The following TSPAN33 variants were observed in gnomAD, a reference collection of about 807,000 sequenced individuals.
TSPAN33 encodes the protein tetraspanin 33.
TSPAN33 carries 27 observed loss-of-function variants against 34.8 expected under a neutral mutation model. The observed-to-expected ratio is 0.78, with a 90% CI of 0.57 to 1.07. The LOEUF is 1.07. Ranked by LOEUF, TSPAN33 falls within the 50% of genes least tolerant of loss-of-function variation. TSPAN33 has a pLI of 0.00. For synonymous variants in TSPAN33, 119 were observed against 124.2 expected (o/e 0.96, Z 0.28); for missense variants, 272 against 324.9 (o/e 0.84, Z 1.25).
chr7:129,166,822 C>A lies in TSPAN33; in HGVS notation c.504C>A (p.Asn168Lys). 1 of 1,614,180 alleles carries A rather than the reference C, an allele frequency of 6.2e-7. No homozygotes were observed. The highest frequency in any genetic ancestry group is 8.5e-7 in the Non-Finnish European group (1 of 1,180,030). ...GGISYKDWSQ[N>K]MYFNCSEDNP... Reference sequence around the variant, plus strand: ...TTTCCTACAAGGACTGGTCTCAGAACATGTATTTCAACTGCTCAGAAGACA... The same window carrying A: ...TTTCCTACAAGGACTGGTCTCAGAAAATGTATTTCAACTGCTCAGAAGACA... Residue 168 changes from asparagine to lysine, a missense_variant, in exon 6 of 8, where the codon AAC (asparagine) becomes AAA (lysine). Asn to Lys is a moderately conservative substitution (Grantham distance 94). Coordinates refer to ENST00000486685, the MANE Select transcript of TSPAN33 (RefSeq NM_178562.5).
chr7:129,167,717 G>A lies in TSPAN33; in HGVS notation c.751-56G>A. On this transcript the variant is annotated intron_variant, in intron 7 of 7. Coordinates refer to ENST00000486685, the MANE Select transcript of TSPAN33 (RefSeq NM_178562.5). This position sits in a 1 kb window ranked among gnomAD's most constrained non-coding sequence, Gnocchi z 4.6. ...GGCCGCACTGGGAAGATCGAGCCAG[G>A]GAAAACAAGGCCATCACTCACTGCT... is the stretch of plus-strand genomic sequence containing the variant. The A allele has an allele frequency of 6.9e-6, 11 of 1,597,188 alleles. No homozygotes were observed. The highest frequency in any genetic ancestry group is 9.4e-6 in the Non-Finnish European group (11 of 1,165,928).
At chr7:129,163,333 CTTT>C (rs57365994) in intron 4 of TSPAN33, among the ~76,000 whole-genome samples, 28 of 124,864 alleles carry the variant, frequency 2.2e-4, no homozygotes, top group African/African-American at 5.7e-4. Flanking sequence ...TTCTTTCTTT[CTTT>C]TTTTTTTTTT....
chr7:129,162,832 G>A lies in TSPAN33; in HGVS notation c.289-1G>A, dbSNP rs1230704983. On this transcript the variant is annotated splice_acceptor_variant, in intron 3 of 7. Coordinates refer to ENST00000486685, the MANE Select transcript of TSPAN33 (RefSeq NM_178562.5). LOFTEE classifies it high-confidence loss of function. ...CGCCTCTTCTTCCTGCTGCTCCACAGTTCTCCCTCTGCCTCACCGCTGTGT... is the reference window on the plus strand; with the variant it reads ...CGCCTCTTCTTCCTGCTGCTCCACAATTCTCCCTCTGCCTCACCGCTGTGT... 4 of 1,613,668 alleles carry A rather than the reference G, an allele frequency of 2.5e-6. No individual in the cohort carries two copies. Among genetic ancestry groups the A allele is most frequent in the Non-Finnish European group, 3.4e-6 (4 of 1,179,968 alleles).
intron 5 of TSPAN33, 69 bp downstream of exon 5, chr7:129,164,638 C>A: frequency 1.4e-6 from 2 of 1,402,560 alleles, no homozygotes; most frequent in Non-Finnish European, 1.0e-6. Flanking sequence ...ATGCCTCACC[C>A]TCTATGCCTG....
Position 129,164,456 on chromosome 7 carries a change from T to TG in TSPAN33, c.364-17dup, listed in dbSNP as rs749897619. 6.2e-7 allele frequency: 1 copy of TG among 1,612,270 alleles called. No homozygotes were observed. Among genetic ancestry groups the TG allele is most frequent in the Non-Finnish European group, 8.5e-7 (1 of 1,178,542 alleles). ...GGATTAGTCCTGTGTTCTGATTCCT[T>TG]GCCCATGTCTCCGGCAGGCTCGAGG... On this transcript the variant is annotated splice_polypyrimidine_tract_variant and intron_variant, in intron 4 of 7. Transcript: ENST00000486685.
rs576384128 is a variant in TSPAN33, at chr7:129,144,911, C to A, written c.-70C>A. ...GCGCGGCTCGGCTCATGCCCCCGGG[C>A]GCGGGGCACACAGGCCGGCCGGCAG... On this transcript the variant is annotated 5_prime_UTR_variant, in exon 1 of 8. Coordinates refer to ENST00000486685, the MANE Select transcript of TSPAN33 (RefSeq NM_178562.5). 7.1e-5 allele frequency: 23 copies of A among 325,064 alleles called. No individual in the cohort carries two copies. The highest frequency in any genetic ancestry group is 1.1e-4 in the Admixed American group (2 of 18,646). 20.1% of individuals were successfully genotyped at this position (325,064 alleles called of 1,614,324 possible).
Position 129,165,517 on chromosome 7 carries a change from T to C in TSPAN33, c.459+948T>C, listed in dbSNP as rs1184222259. Among the ~76,000 whole-genome samples the C allele has an allele frequency of 1.3e-5, 2 of 152,262 alleles. No individual in the cohort carries two copies. Among genetic ancestry groups the C allele is most frequent in the Non-Finnish European group, 2.9e-5 (2 of 68,046 alleles). On this transcript the variant is annotated intron_variant, in intron 5 of 7. Coordinates refer to ENST00000486685, the MANE Select transcript of TSPAN33 (RefSeq NM_178562.5). The surrounding 1 kb of genome is among the most constrained non-coding windows in gnomAD (Gnocchi z 4.5). ...TTGAAGGCTGAATAATATTCTGTTG[T>C]ATGTATATGCCACATTTTGTTTATC...
intron 4 of TSPAN33, 36 bp downstream of exon 4, chr7:129,162,943 A>C: frequency 6.3e-7 from 1 of 1,596,106 alleles, no homozygotes; most frequent in Non-Finnish European, 8.6e-7. Flanking sequence ...CTCAGGTGTG[A>C]CCCAGAGGGA....
chr7:129,146,995 C>T (rs930072791), intron 1 of TSPAN33, among the ~76,000 whole-genome samples: 1 of 151,124 alleles, frequency 6.6e-6, no homozygotes, highest in African/African-American at 2.4e-5. Context: ...CCCCTTTTAT[C>T]GGACAAACGA....
chr7:129,147,700 A>G (rs1312410257), intron 1 of TSPAN33, among the ~76,000 whole-genome samples: 8 of 152,144 alleles, frequency 5.3e-5, no homozygotes, highest in Admixed American at 5.2e-4. Flanking sequence ...CGGCTTCTGG[A>G]GCTGCCGCAT....
intron 3 of TSPAN33, 49 bp downstream of exon 3, chr7:129,162,570 T>C (rs370026297): frequency 6.2e-7 from 1 of 1,604,296 alleles, no homozygotes; most frequent in Admixed American, 1.7e-5. Context: ...CTCCCCATCA[T>C]GCCTCTTAGC....
rs1440730802 is a variant in TSPAN33 at position 129,144,959 on chromosome 7, G to GGGCGGT, written c.-16_-11dup. On this transcript the variant is annotated 5_prime_UTR_variant, in exon 1 of 8. Transcript: ENST00000486685. ...CAGCCGCTGGGAAATAGGCCCCCGGGGGCGGTGGCGGCGGCGGGGCCATGG... is the reference window on the plus strand; with the variant it reads ...CAGCCGCTGGGAAATAGGCCCCCGGGGGCGGTGGCGGTGGCGGCGGCGGGGCCATGG... 1 of 595,742 alleles carries GGGCGGT rather than the reference G, an allele frequency of 1.7e-6. No individual in the cohort carries two copies. The highest frequency in any genetic ancestry group is 3.0e-6 in the Non-Finnish European group (1 of 330,538). The allele number at this position is 595,742 out of a possible 1,614,324, so 36.9% of individuals were successfully genotyped here. A position where few individuals can be genotyped will look rare whatever the true frequency, so the allele number is the denominator to read the frequency against.
chr7:129,160,529 T>C (rs1436356077), intron 1 of TSPAN33, among the ~76,000 whole-genome samples: 1 of 152,178 alleles, frequency 6.6e-6, no homozygotes, highest in African/African-American at 2.4e-5. Context: ...TAAGGCCTCT[T>C]TGGGGTCTCC....
Position 129,168,021 on chromosome 7 carries a change from A to G in TSPAN33, c.*147A>G. 6.9e-7 allele frequency: 1 copy of G among 1,459,248 alleles called. No individual in the cohort carries two copies. The highest frequency in any genetic ancestry group is 9.0e-7 in the Non-Finnish European group (1 of 1,107,602). The allele number at this position is 1,459,248 out of a possible 1,614,324, so 90.4% of individuals were successfully genotyped here. On this transcript the variant is annotated 3_prime_UTR_variant, in exon 8 of 8. Coordinates refer to ENST00000486685, the MANE Select transcript of TSPAN33 (RefSeq NM_178562.5). ...GAAGAAGCAAACTCCAGATGGGCAG[A>G]AGGCAGGGTGCACAGGTGGCTCCAG...
intron 4 of TSPAN33, among the ~76,000 whole-genome samples, chr7:129,163,465 A>T (rs931788585): frequency 2.0e-5 from 3 of 151,720 alleles, no homozygotes; most frequent in Non-Finnish European, 4.4e-5. Flanking sequence ...CTGGGATTAC[A>T]GTCATGTGCC....
rs767207739 is a variant in TSPAN33 at position 129,145,016 on chromosome 7, G to A, written c.36G>A (p.Gly12=). The A allele has an allele frequency of 5.7e-6, 4 of 705,362 alleles. No individual in the cohort carries two copies. Among genetic ancestry groups the A allele is most frequent in the South Asian group, 3.0e-5 (2 of 66,468 alleles). The allele number at this position is 705,362 out of a possible 1,614,324, so 43.7% of individuals were successfully genotyped here. Residue 12 remains glycine (G), a synonymous_variant, in exon 1 of 8, where the codon GGG becomes GGA. Coordinates refer to ENST00000486685, the MANE Select transcript of TSPAN33 (RefSeq NM_178562.5). Reference sequence around the variant, plus strand: ...GACCCCGGGCGCCGGCCGCCTCCGGGGAGGAGTTCTCCTTCGTCAGCCCGC... The same window carrying A: ...GACCCCGGGCGCCGGCCGCCTCCGGAGAGGAGTTCTCCTTCGTCAGCCCGC... ...ARRPRAPAAS[G]EEFSFVSPLV...
At chr7:129,145,205 G>C in intron 1 of TSPAN33, 123 bp downstream of exon 1, 2 of 461,040 alleles carry the variant, frequency 4.3e-6, no homozygotes, top group Non-Finnish European at 7.8e-6. Context: ...GCACTTTGGG[G>C]GAATTTATCC....
intron 1 of TSPAN33, among the ~76,000 whole-genome samples, chr7:129,147,563 G>C (rs929927024): frequency 2.6e-5 from 4 of 152,200 alleles, no homozygotes; most frequent in African/African-American, 9.7e-5. Flanking sequence ...TCAGGGACTG[G>C]TTCCCATGCT....
chr7:129,152,908 A>G (rs879871363), intron 1 of TSPAN33, among the ~76,000 whole-genome samples: 1 of 151,306 alleles, frequency 6.6e-6, no homozygotes, highest in African/African-American at 2.4e-5. Flanking sequence ...AAAATACAAA[A>G]TTAGCCAGGT....
Sources: gnomAD v4.1 joint callset for allele counts (sites outside exome capture counted in the v4.1 genomes callset) on GRCh38, gnomAD v4.1.1 for gene constraint, Gnocchi (gnomAD v3.1) non-coding constraint, MANE v1.5 for transcripts, NCBI Gene and HGNC (gene_info 2026-07-23, HGNC 2026-07-21) for gene names.